The following HGS variants were observed in gnomAD, a reference collection of about 807,000 sequenced individuals.
The protein encoded by HGS is human growth factor-regulated tyrosine kinase substrate.
Under a neutral mutation model 109.7 loss-of-function variants are expected in HGS, and 63 were observed. The observed-to-expected ratio is 0.57, with a 90% CI of 0.47 to 0.71. The LOEUF is 0.71. Ranked by LOEUF, HGS falls within the 30% of genes least tolerant of loss-of-function variation. The probability of loss-of-function intolerance (pLI) is 0.00; values close to 1 mark genes in which losing one functional copy is unlikely to be tolerated. For missense variants in HGS, 995 were observed against 1,068.3 expected, an observed-to-expected ratio of 0.93 and a Z score of 0.96; for synonymous variants, 546 against 437.3, an observed-to-expected ratio of 1.25 and a Z score of -3.10.
intron 4 of HGS, among the ~76,000 whole-genome samples, chr17:81,687,736 G>GA (rs1164946708): frequency 6.6e-6 from 1 of 152,200 alleles, no homozygotes; most frequent in African/African-American, 2.4e-5. Context: ...GTGTCAAGGA[G>GA]AAAGAGTGTC....
At chr17:81,690,345 C>A in intron 6 of HGS, 111 bp downstream of exon 6, 1 of 1,134,756 alleles carries the variant, frequency 8.8e-7, no homozygotes, top group South Asian at 1.3e-5. Flanking sequence ...TCTCGTCTGT[C>A]TGGGACCTGA....
At chr17:81,685,073 T>C (rs1244842932) in intron 1 of HGS, 4 of 985,220 alleles carry the variant, frequency 4.1e-6, no homozygotes, top group Non-Finnish European at 4.8e-6. Context: ...ATGACAGGTA[T>C]GCTGGCGAGT....
intron 5 of HGS, among the ~76,000 whole-genome samples, chr17:81,689,685 T>C (rs2037034879): frequency 6.6e-6 from 1 of 152,160 alleles, no homozygotes; most frequent in South Asian, 2.1e-4. Flanking sequence ...AGGACCAGTG[T>C]GGAGAACACG....
At chr17:81,690,968 A>G (rs990115450) in intron 7 of HGS, 1 of 527,562 alleles carries the variant, frequency 1.9e-6, no homozygotes, top group Non-Finnish European at 3.3e-6. Flanking sequence ...TGGAATTATA[A>G]TGTTTTAAAC....
chr17:81,695,607 G>A (rs2037133307), intron 14 of HGS, 179 bp from the exon 15 acceptor site: 7 of 635,170 alleles, frequency 1.1e-5, no homozygotes, highest in Non-Finnish European at 1.9e-5. Context: ...GCTTGCAGCT[G>A]GACAAGGACC....
In HGS at chr17:81,691,306, C is replaced by T. The variant is rs1196608041; in HGVS notation, c.538-141C>T. 2 of 1,034,734 alleles carry T rather than the reference C, an allele frequency of 1.9e-6. No individual in the cohort carries two copies. Among genetic ancestry groups the T allele is most frequent in the Non-Finnish European group, 2.9e-6 (2 of 691,280 alleles). 64.1% of individuals were successfully genotyped at this position (1,034,734 alleles called of 1,614,324 possible). On this transcript the variant is annotated intron_variant, in intron 7 of 21. Transcript: ENST00000329138. The surrounding 1 kb of genome is among the most constrained non-coding windows in gnomAD (Gnocchi z 5.3). ...CCAGGTTCCCCGGCCTTAGGGTCTT[C>T]CCAGGCACTTGTTCTGCTTGTCCCT...
rs754070827 is a variant in HGS at position 81,696,903 on chromosome 17, C to T, written c.1787C>T (p.Ala596Val). The T allele has an allele frequency of 6.2e-7, 1 of 1,609,326 alleles. No homozygotes were observed. Among genetic ancestry groups the T allele is most frequent in the Admixed American group, 1.7e-5 (1 of 60,018 alleles). The stretch of plus-strand genomic sequence containing the variant: ...AGCTTCCCCAGCACCTTCAGCCCTG[C>T]CGGCTCGGTGGAGGGCTCCCCAATG... ...PASFPSTFSP[A>V]GSVEGSPMHG... Residue 596 changes from alanine (A) to valine (V), a missense_variant, in exon 18 of 22, where the codon GCC becomes GTC. By Grantham distance (64) the Ala-to-Val change is moderately conservative (BLOSUM62 0). Around this residue, in one of 6 missense-constraint regions of HGS, gnomAD observed 326 missense variants for 309.7 expected, o/e 1.05. Transcript: ENST00000329138.
chr17:81,701,463 TG>T, intron 21 of HGS, 44 bp from the exon 22 acceptor site: 1 of 1,515,992 alleles, frequency 6.6e-7, no homozygotes, highest in Non-Finnish European at 8.8e-7. Context: ...CTCCCTGGGC[TG>T]GGGAAGGGAG....
In HGS at chr17:81,695,995, C is replaced by T. The variant is rs76836689; in HGVS notation, c.1389C>T (p.Arg463=). ...LLELLNQLDE[R]RLYYEGLQDK... ...AGCTGCTCAACCAGCTGGACGAGCG[C>T]AGGCGTAGGTGCCCGCGCCACGGGG... Residue 463 remains arginine (R), a synonymous_variant, in exon 15 of 22, where the codon CGC becomes CGT. Transcript: ENST00000329138. 1.5e-4 allele frequency: 239 copies of T among 1,551,762 alleles called. No homozygotes were observed. The highest frequency in any genetic ancestry group is 1.6e-4 in the Non-Finnish European group (179 of 1,146,082).
At chr17:81,685,871 A>C (rs1262974512) in intron 2 of HGS, among the ~76,000 whole-genome samples, 182 bp downstream of exon 2, 1 of 152,200 alleles carries the variant, frequency 6.6e-6, no homozygotes, top group Non-Finnish European at 1.5e-5. Context: ...TTCTCTGTAC[A>C]GCTTGCAGAT....
chr17:81,699,833 G>T (rs896059987), intron 18 of HGS, among the ~76,000 whole-genome samples: 3 of 152,062 alleles, frequency 2.0e-5, no homozygotes, highest in Non-Finnish European at 4.4e-5. Flanking sequence ...CCAGCACTTC[G>T]GGAGGCCGAG....
intron 1 of HGS, chr17:81,684,477 C>G (rs2144477634): frequency 4.7e-6 from 1 of 214,730 alleles, no homozygotes; most frequent in East Asian, 9.9e-5. Flanking sequence ...TAGGCTCGCA[C>G]TTGGGCTTCT....
At chr17:81,684,362 C>G (rs540801100) in intron 1 of HGS, 1 of 348,034 alleles carries the variant, frequency 2.9e-6, no homozygotes, top group Non-Finnish European at 5.2e-6. Flanking sequence ...CGACCTCGCT[C>G]CTCCGCGGGC....
chr17:81,685,793 G>A (rs1598742907), intron 2 of HGS, 104 bp downstream of exon 2: 1 of 793,062 alleles, frequency 1.3e-6, no homozygotes, highest in East Asian at 2.6e-5. Context: ...ACCGTGTTAG[G>A]CTCTTATGTG....
At chr17:81,701,420 TG>T in intron 21 of HGS, 87 bp from the exon 22 acceptor site, 3 of 1,359,558 alleles carry the variant, frequency 2.2e-6, no homozygotes, top group Non-Finnish European at 3.0e-6. Flanking sequence ...CAAGCACTTG[TG>T]GGTCTGTGGC....
rs747949442 is a variant in HGS, at chr17:81,693,653, G to T, written c.742-1G>T. 1.3e-6 allele frequency: 2 copies of T among 1,548,582 alleles called. No homozygotes were observed. Among genetic ancestry groups the T allele is most frequent in the Middle Eastern group, 1.8e-4 (1 of 5,496 alleles). On this transcript the variant is annotated splice_acceptor_variant, in intron 9 of 21. Transcript: ENST00000329138. LOFTEE classifies it high-confidence loss of function. The stretch of plus-strand genomic sequence containing the variant: ...CCCTCACCCTCCCCGCTTGTCCTCA[G>T]CTGCCCCCCAAGAGGGACGAGACGG...
At chr17:81,685,521 C>T (rs527655944) in intron 1 of HGS, 84 bp from the exon 2 acceptor site, 3 of 795,864 alleles carry the variant, frequency 3.8e-6, no homozygotes, top group Non-Finnish European at 6.2e-6. Flanking sequence ...AGGAGAGAGT[C>T]CCCCCCAGCT....
intron 8 of HGS, chr17:81,693,116 G>A (rs1032370575): frequency 9.6e-6 from 2 of 208,986 alleles, no homozygotes; most frequent in African/African-American, 4.6e-5. Flanking sequence ...GGGGCGCCCC[G>A]GAAGAGCTTA....
At position 81,688,694 on chromosome 17, in the gene HGS, C is replaced by A; in HGVS notation, c.292-10C>A. 1.9e-6 allele frequency: 3 copies of A among 1,613,400 alleles called. No homozygotes were observed. The highest frequency in any genetic ancestry group is 2.5e-6 in the Non-Finnish European group (3 of 1,179,732). ...TCCTGCGACCCTCACCCCCTTCTCC[C>A]TGCCTGCAGAGACAAGTGGAGGTAA... On this transcript the variant is annotated splice_polypyrimidine_tract_variant and intron_variant, in intron 4 of 21. Transcript: ENST00000329138.
Sources: allele counts gnomAD v4.1 joint callset (sites outside exome capture counted in the v4.1 genomes callset), GRCh38; gene constraint gnomAD v4.1.1; regional missense constraint gnomAD v4.1.1; non-coding constraint Gnocchi (gnomAD v3.1); transcripts MANE v1.5; gene names NCBI Gene and HGNC (gene_info 2026-07-23, HGNC 2026-07-21).